Variants in ZAN observed in about 807,000 individuals in gnomAD.
The protein encoded by ZAN is zonadhesin, also known as zonadhesin (gene/pseudogene).
Under a neutral mutation model 286.2 loss-of-function variants are expected in ZAN, and 260 were observed. The ratio of observed to expected loss-of-function variants is 0.91; its 90% CI spans 0.82 to 1.01. ZAN has a LOEUF of 1.01. ZAN is among the 50% of genes least tolerant of loss of function. ZAN has a pLI of 0.00. For synonymous variants in ZAN, 1,368 were observed against 1,417.5 expected (o/e 0.97, Z 0.79); for missense variants, 3,410 against 3,639.2 (o/e 0.94, Z 1.62).
chr7:100,771,761 G>A, intron 28 of ZAN, 83 bp from the exon 29 acceptor site: 1 of 1,430,246 alleles, frequency 7.0e-7, no homozygotes, highest in Non-Finnish European at 9.5e-7. Context: ...TGAAGTGGAT[G>A]TCGAATCAGC....
intron 5 of ZAN, 74 bp downstream of exon 5, chr7:100,737,154 C>T (rs1807370868): frequency 1.4e-6 from 2 of 1,434,932 alleles, no homozygotes; most frequent in East Asian, 2.5e-5. Context: ...GGGGGTGTGG[C>T]AAAAAGGGAT....
At chr7:100,784,513 A>G (rs1811430187) in intron 35 of ZAN, 110 bp from the exon 36 acceptor site, 2 of 1,032,150 alleles carry the variant, frequency 1.9e-6, no homozygotes, top group Admixed American at 2.7e-5. Context: ...GAACAAAAAA[A>G]GCTCCCCAAG....
chr7:100,795,890 A>C (rs939008950), intron 45 of ZAN, among the ~76,000 whole-genome samples: 2 of 151,200 alleles, frequency 1.3e-5, no homozygotes, highest in Non-Finnish European at 2.9e-5. Context: ...TGGGTGACAG[A>C]GCAAGACTCC....
At position 100,751,667 on chromosome 7, in the gene ZAN, G is replaced by T. The variant is rs567453586; in HGVS notation, c.1607-45G>T. ...TTAGATGGCAGTAAAGAGGGTGGTG[G>T]TATGGTTTTGACTAAACTCCAGGGA... On this transcript the variant is annotated intron_variant, in intron 13 of 47. Transcript: ENST00000613979. 2.0e-6 allele frequency: 3 copies of T among 1,532,248 alleles called. No individual in the cohort carries two copies. The Admixed American group carries it at 6.8e-5, about 35-fold the overall frequency. 94.9% of individuals were successfully genotyped at this position (1,532,248 alleles called of 1,614,324 possible). A position where few individuals can be genotyped will look rare whatever the true frequency, so the allele number is the denominator to read the frequency against.
At chr7:100,744,359 G>A (rs1005276011) in intron 7 of ZAN, among the ~76,000 whole-genome samples, 3 of 150,948 alleles carry the variant, frequency 2.0e-5, no homozygotes, top group African/African-American at 7.3e-5. Context: ...AGCACTTTGG[G>A]AGGCGGAGGC....
At chr7:100,794,366 G>A in intron 44 of ZAN, 108 bp downstream of exon 44, 1 of 1,487,604 alleles carries the variant, frequency 6.7e-7, no homozygotes, top group East Asian at 2.3e-5. Context: ...TTGATTTCAG[G>A]ATGTCTGTCC....
At chr7:100,766,466 A>C in intron 23 of ZAN, 59 bp from the exon 24 acceptor site, 2 of 1,502,732 alleles carry the variant, frequency 1.3e-6, no homozygotes, top group South Asian at 2.6e-5. Context: ...CAGATCTGGG[A>C]AAAAACAAAA....
intron 42 of ZAN, among the ~76,000 whole-genome samples, chr7:100,793,390 C>A (rs1167137495): frequency 1.3e-5 from 2 of 152,014 alleles, no homozygotes; most frequent in African/African-American, 4.8e-5. Context: ...CTAGATGAAG[C>A]TGCAACACGT....
At chr7:100,793,376 G>C (rs1812127281) in intron 42 of ZAN, among the ~76,000 whole-genome samples, 1 of 151,858 alleles carries the variant, frequency 6.6e-6, no homozygotes, top group Non-Finnish European at 1.5e-5. Context: ...ATAAAAAAAA[G>C]ACCCTAGATG....
chr7:100,779,695 C>G lies in ZAN; in HGVS notation c.6567C>G (p.Ala2189=). Residue 2189 remains alanine (A), a synonymous_variant, in exon 35 of 48, where the codon GCC becomes GCG. Transcript: ENST00000613979. ...ALCQALQAFG[A]TCQSQGLKPP... ...GCCAGGCTCTGCAAGCCTTCGGGGC[C>G]ACCTGCCAGAGCCAGGGGCTCAAGC... The G allele has an allele frequency of 6.4e-7, 1 of 1,560,752 alleles. No homozygotes were observed. Among genetic ancestry groups the G allele is most frequent in the South Asian group, 1.2e-5 (1 of 84,740 alleles).
chr7:100,774,319 G>C (rs1022124039), intron 31 of ZAN, among the ~76,000 whole-genome samples: 2 of 152,116 alleles, frequency 1.3e-5, no homozygotes, highest in African/African-American at 4.8e-5. Flanking sequence ...GCAGTGAGCA[G>C]AGATCGTGCC....
At chr7:100,794,882 A>G (rs1812244411) in intron 44 of ZAN, among the ~76,000 whole-genome samples, 1 of 124,990 alleles carries the variant, frequency 8.0e-6, no homozygotes, top group Admixed American at 8.7e-5. Flanking sequence ...AGGGGAGGGG[A>G]GGAAAGGAAG....
intron 36 of ZAN, among the ~76,000 whole-genome samples, chr7:100,785,481 T>C (rs1209561458): frequency 6.6e-6 from 1 of 152,018 alleles, no homozygotes; most frequent in Non-Finnish European, 1.5e-5. Context: ...TCTGCCCGCC[T>C]TGGCCTCCCA....
rs1809885041 is a variant in ZAN at position 100,765,405 on chromosome 7, G to A, written c.4321G>A (p.Asp1441Asn). 6.2e-7 allele frequency: 1 copy of A among 1,613,954 alleles called. No individual in the cohort carries two copies. The highest frequency in any genetic ancestry group is 1.3e-5 in the African/African-American group (1 of 75,062). The change falls in exon 23 of 48, where the codon GAC (aspartate) becomes AAC (asparagine). Residue 1441 changes from aspartate to asparagine, a missense_variant. Coordinates refer to ENST00000613979, the MANE Select transcript of ZAN (RefSeq NM_003386.3). The stretch of plus-strand genomic sequence containing the variant: ...CTCCCTGTGTGCGAAGCCATGCCCT[G>A]ACACCTGCCATTCAGGATTCTCCGG... Reference protein sequence around the residue: ...KYSLCAKPCPDTCHSGFSGMF... With the variant: ...KYSLCAKPCPNTCHSGFSGMF...
intron 45 of ZAN, among the ~76,000 whole-genome samples, 198 bp downstream of exon 45, chr7:100,795,534 T>C (rs1014830661): frequency 6.7e-6 from 1 of 149,500 alleles, no homozygotes; most frequent in Non-Finnish European, 1.5e-5. Context: ...ATATTAATTA[T>C]CTATTTATAT....
chr7:100,755,610 C>T (rs1391101095), intron 15 of ZAN, among the ~76,000 whole-genome samples, 200 bp downstream of exon 15: 5 of 152,090 alleles, frequency 3.3e-5, no homozygotes, highest in East Asian at 1.9e-4. Flanking sequence ...CTCGCTTTGT[C>T]GCTCAGGCTG....
rs1235359835 is a variant in ZAN at position 100,748,173 on chromosome 7, C to T, written c.1060C>T (p.Pro354Ser). The T allele has an allele frequency of 3.7e-6, 6 of 1,613,702 alleles. No homozygotes were observed. The Admixed American group carries it at 8.3e-5, about 22-fold the overall frequency. Residue 354 changes from proline to serine, a missense_variant, in exon 10 of 48, where the codon CCA (proline) becomes TCA (serine). Pro to Ser is a moderately conservative substitution (Grantham distance 74). Around this residue, in one of 7 missense-constraint regions of ZAN, gnomAD observed 872 missense variants for 938.9 expected, o/e 0.93. Coordinates refer to ENST00000613979, the MANE Select transcript of ZAN (RefSeq NM_003386.3). Reference protein sequence around the residue: ...VVGVFGKTPEPAVAVDATSIA... With the variant: ...VVGVFGKTPESAVAVDATSIA... ...AGGCGTTTTTGGAAAGACCCCAGAG[C>T]CAGCTGTGGCAGTTGATGCAACCAG... is the stretch of plus-strand genomic sequence containing the variant.
At position 100,779,520 on chromosome 7, in the gene ZAN, C is replaced by A; in HGVS notation, c.6392C>A (p.Ala2131Glu). 5 of 1,612,604 alleles carry A rather than the reference C, an allele frequency of 3.1e-6. No individual in the cohort carries two copies. The highest frequency in any genetic ancestry group is 4.2e-6 in the Non-Finnish European group (5 of 1,179,440). Reference protein sequence around the residue: ...QQENPSGNCRAADLRRAREKC... With the variant: ...QQENPSGNCREADLRRAREKC... ...GAGAACCCGAGTGGAAACTGCAGGG[C>A]GGCCGACCTCCGCAGGGCGCGGGAA... is the stretch of plus-strand genomic sequence containing the variant. The change falls in exon 35 of 48, where the codon GCG becomes GAG. Residue 2131 changes from alanine to glutamate, a missense_variant. This residue lies in a region of ZAN where 1,289 missense variants were observed against 1,314.3 expected (regional missense o/e 0.98). Transcript: ENST00000613979.
At chr7:100,784,587 C>T in intron 35 of ZAN, 36 bp from the exon 36 acceptor site, 2 of 1,607,396 alleles carry the variant, frequency 1.2e-6, no homozygotes, top group East Asian at 2.2e-5. Context: ...CCCCCTGTGA[C>T]CCTCTCCACT....
Sources: gnomAD v4.1 joint callset for allele counts (sites outside exome capture counted in the v4.1 genomes callset) on GRCh38, gnomAD v4.1.1 for gene constraint, gnomAD v4.1.1 regional missense constraint, MANE v1.5 for transcripts, NCBI Gene and HGNC (gene_info 2026-07-23, HGNC 2026-07-21) for gene names.